The following TRPT1 variants were observed in gnomAD, a reference collection of about 807,000 sequenced individuals.
TRPT1 encodes the protein tRNA phosphotransferase 1, also known as tRNA 2'-phosphotransferase 1.
In TRPT1, 22 loss-of-function variants were observed where a neutral mutation model predicts 28.4. The ratio of observed to expected loss-of-function variants is 0.78; its 90% confidence interval spans 0.55 to 1.11. The LOEUF (loss-of-function observed/expected upper bound fraction) is 1.11, where lower values mean the gene tolerates loss of function less well. Ranked by LOEUF, TRPT1 falls within the 50% of genes least tolerant of loss-of-function variation. The pLI, the probability that TRPT1 is intolerant of heterozygous loss-of-function variation, is 0.00. For missense variants in TRPT1, 308 were observed against 317.7 expected (o/e 0.97, Z 0.23); for synonymous variants, 137 against 132.4 (o/e 1.03, Z -0.24).
chr11:64,224,353 G>C lies in TRPT1; in HGVS notation c.503-12C>G. ...ATGGGACCGCATGCCTGCAGAGACA[G>C]CTGGAGCTGAGGCCTGGGCACCTGG... is the stretch of plus-strand genomic sequence containing the variant. On this transcript the variant is annotated splice_polypyrimidine_tract_variant and intron_variant, in intron 5 of 7. Coordinates refer to ENST00000317459, the MANE Select transcript of TRPT1 (RefSeq NM_001033678.4). The C allele has an allele frequency of 6.2e-7, 1 of 1,613,562 alleles. No homozygotes were observed. The highest frequency in any genetic ancestry group is 1.1e-5 in the South Asian group (1 of 91,090).
rs1394985670 is a variant in TRPT1, at chr11:64,224,649, T to A, written c.396A>T (p.Thr132=). The change falls in exon 5 of 8, where the codon ACA becomes ACT. Residue 132 remains threonine, a synonymous_variant. Transcript: ENST00000317459. ...QALPPMLVHG[T]FWKHWPSILL... ...GGATGGATGGCCAGTGCTTCCAGAATGTACCATGGACTAGCATCGGGGGCA... is the reference window on the plus strand; with the variant it reads ...GGATGGATGGCCAGTGCTTCCAGAAAGTACCATGGACTAGCATCGGGGGCA... The A allele has an allele frequency of 1.2e-6, 2 of 1,608,264 alleles. No homozygotes were observed. Among genetic ancestry groups the A allele is most frequent in the South Asian group, 2.2e-5 (2 of 90,254 alleles).
rs1207485260 is a variant in TRPT1, at chr11:64,224,951, G to T, written c.177C>A (p.Gly59=). 6.4e-7 allele frequency: 1 copy of T among 1,565,276 alleles called. No homozygotes were observed. The highest frequency in any genetic ancestry group is 8.7e-7 in the Non-Finnish European group (1 of 1,155,244). Residue 59 remains glycine (G), a synonymous_variant, in exon 4 of 8, where the codon GGC becomes GGA. Coordinates refer to ENST00000317459, the MANE Select transcript of TRPT1 (RefSeq NM_001033678.4). The part of the protein sequence containing the change: ...PMGADGFVPL[G]TLLQLPQFRG... The stretch of plus-strand genomic sequence containing the variant: ...GGAACTGGGGCAACTGCAGGAGGGT[G>T]CCCAGGGGCACGAAGCCATCTGTGG...
rs1946851398 is a variant in TRPT1, at chr11:64,224,564, C to T, written c.481G>A (p.Gly161Arg). 6.4e-7 allele frequency: 1 copy of T among 1,571,352 alleles called. No individual in the cohort carries two copies. The highest frequency in any genetic ancestry group is 8.6e-7 in the Non-Finnish European group (1 of 1,157,058). Reference protein sequence around the residue: ...THIHLAPGLPGDPGIISGMRS... With the variant: ...THIHLAPGLPRDPGIISGMRS... ...TGACCACTGATGATACCGGGGTCTC[C>T]AGGCAGTCCTGGGGCCAGGTGAATG... Residue 161 changes from glycine to arginine, a missense_variant, in exon 5 of 8, where the codon GGA becomes AGA. Gly to Arg is a moderately radical substitution (Grantham distance 125). Coordinates refer to ENST00000317459, the MANE Select transcript of TRPT1 (RefSeq NM_001033678.4).
Position 64,225,908 on chromosome 11 carries a change from C to T in TRPT1, c.-9-39G>A, listed in dbSNP as rs529232115. ...TGACGAGGGGGGACTGCTTTAAGGC[C>T]CCTTCCACGTCCCCATCCCTCCCAG... On this transcript the variant is annotated intron_variant, in intron 1 of 7. Coordinates refer to ENST00000317459, the MANE Select transcript of TRPT1 (RefSeq NM_001033678.4). 2.9e-5 allele frequency: 35 copies of T among 1,195,178 alleles called. No individual in the cohort carries two copies. The South Asian group carries it at 4.6e-4, about 16-fold the overall frequency. 74.0% of individuals were successfully genotyped at this position (1,195,178 alleles called of 1,614,324 possible).
At position 64,223,889 on chromosome 11, in the gene TRPT1, C is replaced by T; in HGVS notation, c.749G>A (p.Arg250Lys). 1 of 1,602,392 alleles carries T rather than the reference C, an allele frequency of 6.2e-7. No individual in the cohort carries two copies. The highest frequency in any genetic ancestry group is 8.5e-7 in the Non-Finnish European group (1 of 1,173,612). ...SPKHSSRERR[R>K]IQQ ...TAAATTAATATTTTATTGTTGGATC[C>T]TCCTCCTTTCTCTGGAGCTGTGCTT... Residue 250 changes from arginine (R) to lysine (K), a missense_variant, in exon 8 of 8, where the codon AGG becomes AAG. Arg to Lys is a conservative substitution (Grantham distance 26, BLOSUM62 2). Transcript: ENST00000317459.
In TRPT1 at chr11:64,225,491, C is replaced by G; in HGVS notation, c.157+8G>C. On this transcript the variant is annotated splice_region_variant and intron_variant, in intron 3 of 7. Transcript: ENST00000317459. ...GCTCAAGCCCCAGCCTCCAAGGCCC[C>G]TACTTACCAGCTCCCATGGGAAGCC... The G allele has an allele frequency of 6.2e-7, 1 of 1,611,920 alleles. No homozygotes were observed. Among genetic ancestry groups the G allele is most frequent in the South Asian group, 1.1e-5 (1 of 90,806 alleles).
In TRPT1 at chr11:64,224,289, C is replaced by G. The variant is rs909063879; in HGVS notation, c.555G>C (p.Leu185=). The change falls in exon 6 of 8, where the codon CTG becomes CTC. Residue 185 remains leucine (L), a synonymous_variant. Coordinates refer to ENST00000317459, the MANE Select transcript of TRPT1 (RefSeq NM_001033678.4). ...IAVFIDGPLA[L]ADGIPFFRSA... ...TCCTGCTTTGTCCAGACTCACCTGC[C>G]AGAGCCAGGGGTCCATCGATGAACA... 6.2e-7 allele frequency: 1 copy of G among 1,613,892 alleles called. No individual in the cohort carries two copies. Among genetic ancestry groups the G allele is most frequent in the Non-Finnish European group, 8.5e-7 (1 of 1,180,036 alleles).
chr11:64,223,987 G>A lies in TRPT1; in HGVS notation c.671-20C>T, dbSNP rs769631707. 1.9e-6 allele frequency: 3 copies of A among 1,606,492 alleles called. No homozygotes were observed. In the Middle Eastern group the frequency reaches 5.0e-4, roughly 266 times the overall value. On this transcript the variant is annotated intron_variant, in intron 7 of 7. Transcript: ENST00000317459. ...GCTTTCCTGATAAAGACAAGAGTTG[G>A]TTAGAGAAAGGGACACCTAAGTCAG... is the stretch of plus-strand genomic sequence containing the variant.
chr11:64,225,557 C>A lies in TRPT1; in HGVS notation c.99G>T (p.Lys33Asn), dbSNP rs2134953535. Residue 33 changes from lysine to asparagine, a missense_variant, in exon 3 of 8, where the codon AAG becomes AAT. Physicochemically the swap from Lys to Asn is moderately conservative, Grantham distance 94. Transcript: ENST00000317459. ...CATGGCGCAGGGCATAGGACAGAGC[C>A]TTGGACAGCTGCACGTCTCGGTCCT... Reference protein sequence around the residue: ...REQDRDVQLSKALSYALRHGA... With the variant: ...REQDRDVQLSNALSYALRHGA... 6.2e-7 allele frequency: 1 copy of A among 1,612,348 alleles called. No individual in the cohort carries two copies. Among genetic ancestry groups the A allele is most frequent in the Non-Finnish European group, 8.5e-7 (1 of 1,179,464 alleles).
At position 64,224,422 on chromosome 11, in the gene TRPT1, G is replaced by T. The variant is rs1424308300; in HGVS notation, c.503-81C>A. ...GGCAGACTGGGGTCCTGGGCTGGGGGATGCAGGGGTGCTGCTCCATGCCGG... is the reference window on the plus strand; with the variant it reads ...GGCAGACTGGGGTCCTGGGCTGGGGTATGCAGGGGTGCTGCTCCATGCCGG... On this transcript the variant is annotated intron_variant, in intron 5 of 7. Transcript: ENST00000317459. 3.1e-6 allele frequency: 5 copies of T among 1,603,028 alleles called. No individual in the cohort carries two copies. The East Asian group carries it at 1.1e-4, about 36-fold the overall frequency.
chr11:64,224,244 T>TC, intron 6 of TRPT1, 34 bp from the exon 7 acceptor site: 1 of 1,613,684 alleles, frequency 6.2e-7, no homozygotes, highest in South Asian at 1.1e-5. Flanking sequence ...ACTCATGCCC[T>TC]CCCCGAAGGC....
At position 64,224,330 on chromosome 11, in the gene TRPT1, G is replaced by A. The variant is rs1946829420; in HGVS notation, c.514C>T (p.His172Tyr). The A allele has an allele frequency of 3.1e-6, 5 of 1,613,672 alleles. No individual in the cohort carries two copies. Among genetic ancestry groups the A allele is most frequent in the Non-Finnish European group, 3.4e-6 (4 of 1,179,948 alleles). ...TCGATGAACACAGCTATTTCACAAT[G>A]GGACCGCATGCCTGCAGAGACAGCT... is the stretch of plus-strand genomic sequence containing the variant. ...DPGIISGMRS[H>Y]CEIAVFIDGP... The change falls in exon 6 of 8, where the codon CAT becomes TAT. Residue 172 changes from histidine (H) to tyrosine (Y), a missense_variant. By Grantham distance (83) the His-to-Tyr change is moderately conservative. Transcript: ENST00000317459.
intron 3 of TRPT1, 151 bp from the exon 4 acceptor site, chr11:64,225,121 G>A (rs1394889692): frequency 4.5e-6 from 4 of 883,452 alleles, no homozygotes; most frequent in African/African-American, 3.4e-5. Context: ...TTTCTGGGCC[G>A]CAGTTTTTTC....
intron 3 of TRPT1, 91 bp from the exon 4 acceptor site, chr11:64,225,061 G>T: frequency 7.1e-7 from 1 of 1,410,680 alleles, no homozygotes; most frequent in Non-Finnish European, 9.5e-7. Flanking sequence ...CAAAGTCTGG[G>T]CTTGGAGATC....
In TRPT1 at chr11:64,223,865, AAATT is replaced by A; in HGVS notation, c.*7_*10del. On this transcript the variant is annotated 3_prime_UTR_variant, in exon 8 of 8. Transcript: ENST00000317459. ...TTACTTTTTAAAATTTCTTTTTTAT[AAATT>A]AATATTTTATTGTTGGATCCTCCTC... 6.5e-7 allele frequency: 1 copy of A among 1,542,238 alleles called. No homozygotes were observed. The highest frequency in any genetic ancestry group is 8.8e-7 in the Non-Finnish European group (1 of 1,139,906).
In TRPT1 at chr11:64,224,578, G is replaced by A; in HGVS notation, c.467C>T (p.Ala156Val). 6.3e-7 allele frequency: 1 copy of A among 1,584,754 alleles called. No homozygotes were observed. Among genetic ancestry groups the A allele is most frequent in the South Asian group, 1.2e-5 (1 of 85,566 alleles). The change falls in exon 5 of 8, where the codon GCC becomes GTC. Residue 156 changes from alanine (A) to valine (V), a missense_variant. Coordinates refer to ENST00000317459, the MANE Select transcript of TRPT1 (RefSeq NM_001033678.4). ...SCQGRTHIHL[A>V]PGLPGDPGII... ...ACCGGGGTCTCCAGGCAGTCCTGGG[G>A]CCAGGTGAATGTGCGTCCTTCCCTG...
chr11:64,225,952 G>A (rs1946989852), intron 1 of TRPT1, 83 bp from the exon 2 acceptor site: 2 of 815,356 alleles, frequency 2.5e-6, no homozygotes, highest in Admixed American at 4.5e-5. Flanking sequence ...AAAGCCTCAG[G>A]AAGTGAGCGC....
rs748587019 is a variant in TRPT1 at position 64,225,588 on chromosome 11, A to C, written c.76-8T>G. On this transcript the variant is annotated splice_region_variant and splice_polypyrimidine_tract_variant and intron_variant, in intron 2 of 7. Coordinates refer to ENST00000317459, the MANE Select transcript of TRPT1 (RefSeq NM_001033678.4). ...CAGCTGCACGTCTCGGTCCTGAAAG[A>C]ACCCAGCGGTGGCCCCTAGTCTCCA... 11 of 1,607,856 alleles carry C rather than the reference A, an allele frequency of 6.8e-6. No homozygotes were observed. Among genetic ancestry groups the C allele is most frequent in the Non-Finnish European group, 9.3e-6 (11 of 1,177,320 alleles).
chr11:64,225,887 G>A lies in TRPT1; in HGVS notation c.-9-18C>T, dbSNP rs774292559. On this transcript the variant is annotated intron_variant, in intron 1 of 7. Transcript: ENST00000317459. ...GTTAAGACCTGTGGGGGGCAGTGAC[G>A]AGGGGGGACTGCTTTAAGGCCCCTT... 4 of 1,456,918 alleles carry A rather than the reference G, an allele frequency of 2.7e-6. No homozygotes were observed. The South Asian group carries it at 3.6e-5, about 13-fold the overall frequency. The allele number at this position is 1,456,918 out of a possible 1,614,324, so 90.2% of individuals were successfully genotyped here.
Sources: allele counts gnomAD v4.1 joint callset, GRCh38; gene constraint gnomAD v4.1.1; transcripts MANE v1.5; gene names NCBI Gene and HGNC (gene_info 2026-07-23, HGNC 2026-07-21).